Variants in GRIP1 observed in about 807,000 individuals in gnomAD.
The protein encoded by GRIP1 is glutamate receptor-interacting protein 1.
Under a neutral mutation model 129.9 loss-of-function variants are expected in GRIP1, and 45 were observed. That is an observed-to-expected ratio of 0.35 (90% confidence interval 0.27 to 0.44). The LOEUF is 0.44. GRIP1 is among the 20% of genes least tolerant of loss of function. The pLI is 1.00. For missense variants in GRIP1, 1,196 were observed against 1,396.8 expected, an observed-to-expected ratio of 0.86 and a Z score of 2.29; for synonymous variants, 530 against 520.8, an observed-to-expected ratio of 1.02 and a Z score of -0.24.
chr12:66,528,220 C>T (rs1457151351), intron 5 of GRIP1, among the ~76,000 whole-genome samples: 7 of 148,812 alleles, frequency 4.7e-5, no homozygotes, highest in African/African-American at 1.5e-4. Flanking sequence ...CTGCAAGCTC[C>T]ACCTCCCGGG....
At chr12:66,575,091 A>G (rs1252540263) in intron 2 of GRIP1, among the ~76,000 whole-genome samples, 1 of 152,180 alleles carries the variant, frequency 6.6e-6, no homozygotes, top group Non-Finnish European at 1.5e-5. Flanking sequence ...ACTTTTCAAC[A>G]GTGAATCAGA....
intron 1 of GRIP1, among the ~76,000 whole-genome samples, chr12:66,858,997 T>C (rs2040054092): frequency 6.6e-6 from 1 of 151,976 alleles, no homozygotes. Context: ...CCATCATGAC[T>C]AGGCTTTTTG....
intron 1 of GRIP1, among the ~76,000 whole-genome samples, chr12:66,747,550 G>A (rs1283876658): frequency 6.6e-6 from 1 of 152,078 alleles, no homozygotes; most frequent in Non-Finnish European, 1.5e-5. Flanking sequence ...GATTAAAAAG[G>A]AATTTTATTT....
chr12:66,896,387 A>AT (rs1438940143), intron 1 of GRIP1, among the ~76,000 whole-genome samples: 6 of 149,954 alleles, frequency 4.0e-5, no homozygotes, highest in Non-Finnish European at 8.9e-5. Flanking sequence ...ACTATGGAGC[A>AT]TAGGGAAGCA....
intron 1 of GRIP1, chr12:66,892,071 AC>A (rs1209852997): frequency 3.3e-5 from 5 of 152,740 alleles, no homozygotes; most frequent in African/African-American, 1.2e-4. Context: ...GGGAAGTAGC[AC>A]CCACACTTGC....
At chr12:66,831,386 CTT>C (rs1339630485) in intron 1 of GRIP1, among the ~76,000 whole-genome samples, 1 of 152,120 alleles carries the variant, frequency 6.6e-6, no homozygotes, top group African/African-American at 2.4e-5. Context: ...ACATTAGCAA[CTT>C]CTCTCAAGAA....
chr12:66,377,638 C>CTTTTTTTTTTTTTTTT (rs3045282), intron 20 of GRIP1, among the ~76,000 whole-genome samples: 21 of 124,594 alleles, frequency 1.7e-4, no homozygotes, highest in African/African-American at 6.3e-4. Flanking sequence ...CGCACCCGGC[C>CTTTTTTTTTTTTTTTT]TTTTTTTTTT....
chr12:66,810,422 G>C (rs926791355), intron 1 of GRIP1, among the ~76,000 whole-genome samples: 2 of 152,170 alleles, frequency 1.3e-5, no homozygotes, highest in African/African-American at 4.8e-5. Flanking sequence ...GCCAGGTGTG[G>C]TGGTGCGTGC....
At chr12:66,744,140 A>G (rs2036873188) in intron 1 of GRIP1, among the ~76,000 whole-genome samples, 1 of 152,198 alleles carries the variant, frequency 6.6e-6, no homozygotes, top group South Asian at 2.1e-4. Context: ...TAACAGAGTA[A>G]GTTAATAAAC....
chr12:66,594,060 T>C (rs1169325205), intron 2 of GRIP1, among the ~76,000 whole-genome samples: 3 of 76,402 alleles, frequency 3.9e-5, no homozygotes, highest in South Asian at 5.9e-4. Context: ...AGAGCAAGAC[T>C]CCGTCTCAAA....
In GRIP1 at chr12:66,968,523, C is replaced by T. The variant is rs544280382; in HGVS notation, c.58+100527G>A. On this transcript the variant is annotated intron_variant, in intron 1 of 1. Coordinates refer to the GRIP1 transcript ENST00000643019. The stretch of plus-strand genomic sequence containing the variant: ...CTCTCTGAGCATCTCAATTATATTT[C>T]TTTTAACTTTTTTAGTGGTGGTTCT... Among the ~76,000 whole-genome samples, 4 of 151,954 alleles carry T rather than the reference C, an allele frequency of 2.6e-5. No homozygotes were observed. The East Asian group carries it at 7.7e-4, about 29-fold the overall frequency.
intron 23 of GRIP1, 133 bp downstream of exon 23, chr12:66,371,561 G>A (rs2137291683): frequency 1.4e-6 from 1 of 715,892 alleles, no homozygotes; most frequent in East Asian, 2.5e-5. Context: ...AGTCTCTGAA[G>A]ATCTGTTTTT....
chr12:66,775,507 C>A (rs950316787), intron 1 of GRIP1, among the ~76,000 whole-genome samples: 2 of 152,048 alleles, frequency 1.3e-5, no homozygotes, highest in Admixed American at 6.6e-5. Flanking sequence ...TAGCTTTAAA[C>A]ATTTGTCATG....
At chr12:66,583,361 T>C (rs1445158089) in intron 2 of GRIP1, among the ~76,000 whole-genome samples, 32 of 149,250 alleles carry the variant, frequency 2.1e-4, no homozygotes, top group African/African-American at 7.9e-4. Context: ...GGACTTCATG[T>C]CTAAAACACC....
intron 1 of GRIP1, among the ~76,000 whole-genome samples, chr12:66,830,094 T>G (rs1480703607): frequency 6.6e-6 from 1 of 152,188 alleles, no homozygotes; most frequent in Non-Finnish European, 1.5e-5. Flanking sequence ...AGCTAGTATG[T>G]GCTTGGCCCT....
intron 13 of GRIP1, among the ~76,000 whole-genome samples, chr12:66,439,908 A>T (rs1319974644): frequency 1.5e-5 from 2 of 132,080 alleles, no homozygotes; most frequent in African/African-American, 7.7e-5. Context: ...GAAAATAAAA[A>T]ACAACAACAA....
At chr12:66,634,843 T>G (rs1400370924) in intron 1 of GRIP1, among the ~76,000 whole-genome samples, 2 of 152,250 alleles carry the variant, frequency 1.3e-5, no homozygotes, top group Non-Finnish European at 2.9e-5. Flanking sequence ...CACACTCTGC[T>G]TCCAATGTTG....
chr12:66,746,316 T>C (rs1179629501), intron 1 of GRIP1, among the ~76,000 whole-genome samples: 1 of 152,190 alleles, frequency 6.6e-6, no homozygotes, highest in Non-Finnish European at 1.5e-5. Flanking sequence ...ATACATTGCA[T>C]ATTTCATAGC....
chr12:66,928,370 T>G (rs2041330862), intron 1 of GRIP1, among the ~76,000 whole-genome samples: 1 of 152,176 alleles, frequency 6.6e-6, no homozygotes, highest in African/African-American at 2.4e-5. Flanking sequence ...CACAATTAAT[T>G]TATAAGATTC....
Sources: gnomAD v4.1 joint callset for allele counts (sites outside exome capture counted in the v4.1 genomes callset) on GRCh38, gnomAD v4.1.1 for gene constraint, MANE v1.5 for transcripts, NCBI Gene and HGNC (gene_info 2026-07-23, HGNC 2026-07-21) for gene names.